WDPCP: variants seen among roughly 807,000 people sequenced by gnomAD.
WDPCP encodes WD repeat-containing and planar cell polarity effector protein fritz homolog.
Under a neutral mutation model 93.1 loss-of-function variants are expected in WDPCP, and 71 were observed. The ratio of observed to expected loss-of-function variants is 0.76; its 90% confidence interval spans 0.63 to 0.93. WDPCP has a LOEUF of 0.93. WDPCP is among the 40% of genes least tolerant of loss of function. The pLI, the probability that WDPCP is intolerant of heterozygous loss-of-function variation, is 0.00. For missense variants in WDPCP, 844 were observed against 887.4 expected, an observed-to-expected ratio of 0.95 and a Z score of 0.62; for synonymous variants, 315 against 315.0, an observed-to-expected ratio of 1.00 and a Z score of 0.00.
At chr2:63,306,274 G>A (rs186553045) in intron 13 of WDPCP, among the ~76,000 whole-genome samples, 165 of 152,256 alleles carry the variant, frequency 1.1e-3, no homozygotes, top group African/African-American at 3.8e-3. Flanking sequence ...AAAAAGCCCA[G>A]GACCAGACAG....
chr2:63,526,177 C>G (rs1011827230), intron 1 of WDPCP, among the ~76,000 whole-genome samples: 1 of 152,154 alleles, frequency 6.6e-6, no homozygotes, highest in Admixed American at 6.5e-5. Context: ...ATTTAAGGCA[C>G]AGATCCCTAT....
chr2:63,465,426 T>C (rs541769825), intron 6 of WDPCP, among the ~76,000 whole-genome samples: 1 of 152,210 alleles, frequency 6.6e-6, no homozygotes, highest in East Asian at 1.9e-4. Context: ...TTGAGAAGGT[T>C]TGGATCCCAC....
At chr2:63,564,817 G>A (rs4671066) in intron 1 of WDPCP, among the ~76,000 whole-genome samples, 116,121 of 147,770 alleles carry the variant, frequency 0.79, 45,891 homozygotes, top group East Asian at 0.98. Context: ...TTGCTCTGTC[G>A]CCCAGGTTGG....
chr2:63,727,140 G>A (rs1205363944), intron 2 of WDPCP, among the ~76,000 whole-genome samples: 1 of 152,196 alleles, frequency 6.6e-6, no homozygotes, highest in Admixed American at 6.5e-5. Context: ...CAAGGAGGAT[G>A]CTTTCAGCTT....
upstream of WDPCP, chr2:63,588,994 C>T (rs1283711224): frequency 3.1e-6 from 5 of 1,614,130 alleles, no homozygotes; most frequent in Non-Finnish European, 3.4e-6. Flanking sequence ...TGACCTGACT[C>T]TCTGAGGCTC....
chr2:63,361,035 T>C (rs1420275405), intron 12 of WDPCP, among the ~76,000 whole-genome samples: 1 of 152,218 alleles, frequency 6.6e-6, no homozygotes, highest in Non-Finnish European at 1.5e-5. Context: ...ACTAAATGCA[T>C]GTCCGTCTTC....
At chr2:63,709,943 A>G (rs762643025) in intron 2 of WDPCP, among the ~76,000 whole-genome samples, 3 of 152,240 alleles carry the variant, frequency 2.0e-5, no homozygotes, top group Non-Finnish European at 4.4e-5. Context: ...ATCAAGGGGT[A>G]AAAATGAGGT....
chr2:63,299,486 G>A (rs1685162024), intron 13 of WDPCP, among the ~76,000 whole-genome samples: 2 of 152,146 alleles, frequency 1.3e-5, no homozygotes, highest in African/African-American at 4.8e-5. Flanking sequence ...TGTAACATAA[G>A]TGACAGGTCC....
chr2:63,194,580 G>A lies in WDPCP; in HGVS notation c.1916-19748C>T, dbSNP rs115213343. On this transcript the variant is annotated intron_variant, in intron 14 of 17. Transcript: ENST00000272321. ...TACAAAAGTTTGTCTTTAACATTGA[G>A]TTTTCCCTTCTCATCTTAGAAATCT... Among the ~76,000 whole-genome samples the A allele has an allele frequency of 3.3e-3, 498 of 152,172 alleles. 3 individuals are homozygous for A. The highest frequency in any genetic ancestry group is 0.012 in the African/African-American group (481 of 41,534).
chr2:63,491,794 C>T (rs1422108125), intron 2 of WDPCP, among the ~76,000 whole-genome samples: 1 of 152,170 alleles, frequency 6.6e-6, no homozygotes, highest in African/African-American at 2.4e-5. Context: ...TCTGGCTCCT[C>T]AAATTTCTGT....
chr2:63,362,277 T>TGGGTGTGTGTGTGTG (rs1553362984), intron 12 of WDPCP, among the ~76,000 whole-genome samples: 1 of 94,108 alleles, frequency 1.1e-5, no homozygotes, highest in Non-Finnish European at 1.9e-5. Context: ...TTTTTTTTGG[T>TGGGTGTGTGTGTGTG]TGTGTGTGTG....
At chr2:63,440,858 A>T (rs1486161258) in intron 6 of WDPCP, 1 of 152,544 alleles carries the variant, frequency 6.6e-6, no homozygotes, top group Non-Finnish European at 1.5e-5. Context: ...GGAATCCCCC[A>T]CCCACCTAGG....
At chr2:63,296,506 T>C (rs894685147) in intron 13 of WDPCP, among the ~76,000 whole-genome samples, 11 of 152,114 alleles carry the variant, frequency 7.2e-5, no homozygotes, top group African/African-American at 2.2e-4. Flanking sequence ...AGTCAAACTA[T>C]CTCTATTCAC....
At chr2:63,733,573 AG>A (rs982000952) in intron 2 of WDPCP, among the ~76,000 whole-genome samples, 2 of 152,202 alleles carry the variant, frequency 1.3e-5, no homozygotes, top group African/African-American at 4.8e-5. Flanking sequence ...CAAAGAGGGC[AG>A]AAGCATTTAG....
At chr2:63,232,342 T>C (rs1213387398) in intron 14 of WDPCP, 1 of 152,182 alleles carries the variant, frequency 6.6e-6, no homozygotes, top group African/African-American at 2.4e-5. Context: ...TATTCCAGCA[T>C]ACAGAGTTTC....
At chr2:63,264,110 G>A (rs974060802) in intron 13 of WDPCP, among the ~76,000 whole-genome samples, 1 of 152,032 alleles carries the variant, frequency 6.6e-6, no homozygotes, top group Non-Finnish European at 1.5e-5. Context: ...AAACATGGAT[G>A]TACCCCCGGC....
intron 2 of WDPCP, chr2:63,752,247 T>A: frequency 1.3e-6 from 1 of 775,382 alleles, no homozygotes; most frequent in Admixed American, 1.7e-5. Flanking sequence ...ATCACTTCAA[T>A]TTTTCCATAC....
At chr2:63,152,998 TAAG>T in intron 16 of WDPCP, 53 bp from the exon 17 acceptor site, 1 of 1,530,954 alleles carries the variant, frequency 6.5e-7, no homozygotes, top group Middle Eastern at 1.8e-4. Context: ...TAATGGACCT[TAAG>T]AAAATTTTTT....
chr2:63,302,747 T>TGTA (rs1269612476), intron 13 of WDPCP, among the ~76,000 whole-genome samples: 1 of 152,226 alleles, frequency 6.6e-6, no homozygotes, highest in Non-Finnish European at 1.5e-5. Context: ...TGTGTCTTTC[T>TGTA]GTATGGTTCT....
Sources: allele counts gnomAD v4.1 joint callset (sites outside exome capture counted in the v4.1 genomes callset), GRCh38; gene constraint gnomAD v4.1.1; transcripts MANE v1.5; gene names NCBI Gene and HGNC (gene_info 2026-07-23, HGNC 2026-07-21).